The following PCDH10 variants were observed in gnomAD, a reference collection of about 807,000 sequenced individuals.
The protein encoded by PCDH10 is protocadherin 10.
A neutral mutation model predicts 74.4 loss-of-function variants in PCDH10; 15 were observed. The ratio of observed to expected loss-of-function variants is 0.20; its 90% CI spans 0.13 to 0.31. The LOEUF (loss-of-function observed/expected upper bound fraction) is 0.31, where lower values mean the gene tolerates loss of function less well. Ranked by LOEUF, PCDH10 falls within the 10% of genes least tolerant of loss-of-function variation. The pLI, the probability that PCDH10 is intolerant of heterozygous loss-of-function variation, is 1.00. For missense variants in PCDH10, 1,260 were observed against 1,390.2 expected (o/e 0.91, Z 1.49); for synonymous variants, 619 against 589.8 (o/e 1.05, Z -0.72).
downstream of PCDH10, among the ~76,000 whole-genome samples, chr4:133,198,919 C>T (rs963978521): frequency 1.3e-4 from 9 of 71,666 alleles, no homozygotes; most frequent in Admixed American, 1.4e-3. Context: ...TATCCCAGTC[C>T]TAGATATAAC....
At chr4:133,203,772 G>C (rs1727949565) in intron 2 of PCDH10, among the ~76,000 whole-genome samples, 1 of 152,176 alleles carries the variant, frequency 6.6e-6, no homozygotes, top group South Asian at 2.1e-4. Context: ...CAGACCTTCT[G>C]TGTGGTTGAG....
intron 3 of PCDH10, among the ~76,000 whole-genome samples, chr4:133,157,674 A>G (rs750027940): frequency 2.0e-5 from 3 of 152,224 alleles, no homozygotes; most frequent in Non-Finnish European, 4.4e-5. Context: ...TGTACAGACT[A>G]TTTAGCTTAG....
chr4:133,173,734 T>TC, intron 4 of PCDH10, among the ~76,000 whole-genome samples: 1 of 37,994 alleles, frequency 2.6e-5, no homozygotes, highest in Non-Finnish European at 5.1e-5. Flanking sequence ...CTTAAAGTCT[T>TC]TTTTTTTTTT....
downstream of PCDH10, among the ~76,000 whole-genome samples, chr4:133,196,924 G>A (rs752213918): frequency 2.0e-5 from 3 of 152,164 alleles, no homozygotes; most frequent in Non-Finnish European, 4.4e-5. Flanking sequence ...ATAGAATATA[G>A]TCTACAAACA....
In PCDH10 at chr4:133,149,705, C is replaced by T. The variant is rs192092236; in HGVS notation, c.-436C>T. 5.3e-3 allele frequency: 864 copies of T among 161,872 alleles called. 6 individuals are homozygous for T. The highest frequency in any genetic ancestry group is 0.019 in the African/African-American group (799 of 41,764). 10.0% of individuals were successfully genotyped at this position (161,872 alleles called of 1,614,324 possible). A position where few individuals can be genotyped will look rare whatever the true frequency, so the allele number is the denominator to read the frequency against. On this transcript the variant is annotated 5_prime_UTR_variant, in exon 1 of 5. Transcript: ENST00000264360. ...TCCTTTTCCTTCTCCTCTTCCTCTT[C>T]TTCTTCTTCCTCCTCCTCCTCCTCT...
At chr4:133,156,311 G>A (rs1460312763) in intron 3 of PCDH10, among the ~76,000 whole-genome samples, 3 of 152,204 alleles carry the variant, frequency 2.0e-5, no homozygotes, top group African/African-American at 4.8e-5. Context: ...AGGGAAAAAA[G>A]GCTGCTCAAG....
chr4:133,186,703 C>T (rs186608428), intron 4 of PCDH10, among the ~76,000 whole-genome samples: 3 of 152,054 alleles, frequency 2.0e-5, no homozygotes, highest in Non-Finnish European at 4.4e-5. Flanking sequence ...GGCCATACAA[C>T]CCTAAAAGAA....
At chr4:133,153,178 T>C (rs1726780383) in intron 1 of PCDH10, 1 of 1,106,960 alleles carries the variant, frequency 9.0e-7, no homozygotes, top group African/African-American at 1.6e-5. Context: ...TTAATAAAGT[T>C]GGCTCTATTT....
chr4:133,186,074 C>T (rs1006232226), intron 4 of PCDH10, among the ~76,000 whole-genome samples: 1 of 151,894 alleles, frequency 6.6e-6, no homozygotes, highest in Admixed American at 6.6e-5. Context: ...TAATTTTTCT[C>T]ATAGCTTAAT....
intron 3 of PCDH10, among the ~76,000 whole-genome samples, chr4:133,160,908 C>T (rs1291318588): frequency 6.6e-6 from 1 of 151,750 alleles, no homozygotes; most frequent in Non-Finnish European, 1.5e-5. Flanking sequence ...CTATGTTCCC[C>T]CATCATTCTA....
chr4:133,194,642 A>T lies in PCDH10; in HGVS notation c.*4482A>T, dbSNP rs751046720. Reference sequence around the variant, plus strand: ...TTTTCCATGCATGGATCTTCCACTGACGCCTGTGGGAGCTTTGAATAAAAA... The same window carrying T: ...TTTTCCATGCATGGATCTTCCACTGTCGCCTGTGGGAGCTTTGAATAAAAA... On this transcript the variant is annotated 3_prime_UTR_variant, in exon 5 of 5. Coordinates refer to ENST00000264360, the MANE Select transcript of PCDH10 (RefSeq NM_032961.3). 185 of 151,932 alleles carry T rather than the reference A, an allele frequency of 1.2e-3. 2 individuals carry two copies. The highest frequency in any genetic ancestry group is 4.1e-4 in the Non-Finnish European group (28 of 67,880). 9.4% of individuals were successfully genotyped at this position (151,932 alleles called of 1,614,324 possible). A position where few individuals can be genotyped will look rare whatever the true frequency, so the allele number is the denominator to read the frequency against.
In PCDH10 at chr4:133,150,259, A is replaced by G; in HGVS notation, c.119A>G (p.Asp40Gly). 1 of 1,613,978 alleles carries G rather than the reference A, an allele frequency of 6.2e-7. No individual in the cohort carries two copies. ...HGTFVGNIAE[D>G]LGLDITKLSA... ...ACTTTCGTGGGGAATATCGCTGAAG[A>G]TCTGGGTCTGGACATTACAAAACTT... Residue 40 changes from aspartate (D) to glycine (G), a missense_variant, in exon 1 of 5, where the codon GAT (aspartate) becomes GGT (glycine). Asp to Gly is a moderately conservative substitution (Grantham distance 94). Coordinates refer to ENST00000264360, the MANE Select transcript of PCDH10 (RefSeq NM_032961.3).
chr4:133,179,596 A>C (rs1228392081), intron 4 of PCDH10, among the ~76,000 whole-genome samples: 1 of 152,070 alleles, frequency 6.6e-6, no homozygotes, highest in African/African-American at 2.4e-5. Context: ...ATCAAGATTC[A>C]ATTTATTTTA....
At chr4:133,156,528 A>G (rs540360209) in intron 3 of PCDH10, among the ~76,000 whole-genome samples, 5 of 152,224 alleles carry the variant, frequency 3.3e-5, no homozygotes, top group Non-Finnish European at 5.9e-5. Context: ...TGCCCTATAT[A>G]TGGCATATGA....
At chr4:133,197,601 T>A (rs1042213812), downstream of PCDH10, among the ~76,000 whole-genome samples, 5 of 152,206 alleles carry the variant, frequency 3.3e-5, no homozygotes, top group Admixed American at 1.3e-4. Context: ...TGATCCATAA[T>A]GAAAATATTG....
chr4:133,161,487 A>AAT (rs1726970109), intron 3 of PCDH10, among the ~76,000 whole-genome samples: 1 of 151,984 alleles, frequency 6.6e-6, no homozygotes, highest in Non-Finnish European at 1.5e-5. Flanking sequence ...CATATACACA[A>AAT]ATATATATAA....
intron 3 of PCDH10, among the ~76,000 whole-genome samples, chr4:133,155,240 A>G (rs1363452743): frequency 6.6e-6 from 1 of 152,250 alleles, no homozygotes; most frequent in Non-Finnish European, 1.5e-5. Flanking sequence ...AATTCATTGT[A>G]GAGAGTGTCA....
chr4:133,173,048 A>C (rs1046850754), intron 4 of PCDH10, among the ~76,000 whole-genome samples: 3 of 152,002 alleles, frequency 2.0e-5, no homozygotes, highest in Non-Finnish European at 4.4e-5. Context: ...ACAAATATTT[A>C]AATATACTAA....
intron 4 of PCDH10, among the ~76,000 whole-genome samples, chr4:133,166,494 A>T (rs1727084490): frequency 6.6e-6 from 1 of 151,568 alleles, no homozygotes; most frequent in South Asian, 2.1e-4. Context: ...TGGCACAGTA[A>T]GTTATGTGTA....
Sources: gnomAD v4.1 joint callset for allele counts (sites outside exome capture counted in the v4.1 genomes callset) on GRCh38, gnomAD v4.1.1 for gene constraint, MANE v1.5 for transcripts, NCBI Gene and HGNC (gene_info 2026-07-23, HGNC 2026-07-21) for gene names.